Variants in MKKS observed in about 807,000 individuals in gnomAD.
The protein encoded by MKKS is MKKS centrosomal shuttling protein, also known as molecular chaperone MKKS.
In MKKS, 29 loss-of-function variants were observed where a neutral mutation model predicts 33.2. That is an observed-to-expected ratio of 0.87 (90% CI 0.65 to 1.19). The LOEUF is 1.19. MKKS is among the 50% of genes most tolerant of loss of function. The pLI is 0.00. For missense variants in MKKS, 661 were observed against 662.3 expected (o/e 1.00, Z 0.02); for synonymous variants, 260 against 244.0 (o/e 1.07, Z -0.61).
At position 10,407,687 on chromosome 20, in the gene MKKS, G is replaced by C; in HGVS notation, c.1201C>G (p.Leu401Val). The stretch of plus-strand genomic sequence containing the variant: ...CCCAACAAAGCCCATGGTTCCTTGA[G>C]TGTTAACTGCAGGACATGCAGTGCC... Reference protein sequence around the residue: ...QTALHVLQLTLKEPWALLGGG... With the variant: ...QTALHVLQLTVKEPWALLGGG... Residue 401 changes from leucine to valine, a missense_variant, in exon 5 of 6, where the codon CTC (leucine) becomes GTC (valine). Coordinates refer to ENST00000347364, the MANE Select transcript of MKKS (RefSeq NM_170784.3). 6 of 1,614,002 alleles carry C rather than the reference G, an allele frequency of 3.7e-6. No individual in the cohort carries two copies. The highest frequency in any genetic ancestry group is 5.1e-6 in the Non-Finnish European group (6 of 1,179,930).
intron 1 of MKKS, among the ~76,000 whole-genome samples, chr20:10,433,301 G>A (rs113703202): frequency 1.6e-4 from 25 of 152,334 alleles, no homozygotes; most frequent in African/African-American, 6.0e-4. Context: ...ACCAAACCCC[G>A]CCGCCCCAAA....
Position 10,412,903 on chromosome 20 carries a change from TA to T in MKKS, c.611del (p.Leu204Ter). On this transcript the variant is annotated frameshift_variant, in exon 3 of 6. Transcript: ENST00000347364. LOFTEE classifies it high-confidence loss of function. ...IILGKSLIVPLKGQRVIDSTV... is the reference protein window; with the variant it reads ...IILGKSLIVPXKGQRVIDSTV... ...TGGAATCTATAACTCTTTGACCTTT[TA>T]AAGGTACAATTAAACTCTTTCCTAA... is the stretch of plus-strand genomic sequence containing the variant. 2 of 1,613,778 alleles carry T rather than the reference TA, an allele frequency of 1.2e-6. No individual in the cohort carries two copies. The highest frequency in any genetic ancestry group is 1.7e-6 in the Non-Finnish European group (2 of 1,179,850).
intron 3 of MKKS, among the ~76,000 whole-genome samples, chr20:10,409,431 A>C (rs1038402743): frequency 3.3e-5 from 5 of 152,222 alleles, no homozygotes; most frequent in Admixed American, 3.3e-4. Flanking sequence ...CACATGTAAA[A>C]TAGTGAAGTT....
intron 1 of MKKS, among the ~76,000 whole-genome samples, chr20:10,432,627 T>C (rs955603977): frequency 9.2e-5 from 14 of 151,980 alleles, no homozygotes; most frequent in Non-Finnish European, 1.5e-4. Flanking sequence ...ACACCATCTC[T>C]ACTAAAAAAT....
Position 10,405,327 on chromosome 20 carries a change from T to G in MKKS, c.1633A>C (p.Lys545Gln), listed in dbSNP as rs1471619104. Residue 545 changes from lysine to glutamine, a missense_variant, in exon 6 of 6, where the codon AAG becomes CAG. Transcript: ENST00000347364. ...ACAGCCACCTGTAGGCCACTAAGCT[T>G]TGCAGTCAAACAGTCCAAGGTCAGG... ...SNLTLDCLTA[K>Q]LSGLQVAVET... The G allele has an allele frequency of 6.2e-7, 1 of 1,614,138 alleles. No individual in the cohort carries two copies. Among genetic ancestry groups the G allele is most frequent in the South Asian group, 1.1e-5 (1 of 91,080 alleles).
At chr20:10,422,249 G>A (rs949808571) in intron 1 of MKKS, among the ~76,000 whole-genome samples, 2 of 151,934 alleles carry the variant, frequency 1.3e-5, no homozygotes, top group Non-Finnish European at 2.9e-5. Context: ...CTAGATAGAG[G>A]AAACACGACC....
At position 10,413,455 on chromosome 20, in the gene MKKS, C is replaced by T; in HGVS notation, c.60G>A (p.Glu20=). 6.2e-7 allele frequency: 1 copy of T among 1,614,070 alleles called. No homozygotes were observed. Residue 20 remains glutamate, a synonymous_variant, in exon 3 of 6, where the codon GAG becomes GAA. Transcript: ENST00000347364. ...AGACAGAAAGTGTGGTCCTGACTCT[C>T]TCAGTTGTCAGTGGTTCACTCTTAC... ...SLCKSEPLTT[E]RVRTTLSVLK...
At chr20:10,417,535 C>T (rs538400280) in intron 2 of MKKS, among the ~76,000 whole-genome samples, 1 of 152,232 alleles carries the variant, frequency 6.6e-6, no homozygotes, top group Admixed American at 6.5e-5. Context: ...GGCCTGTGCC[C>T]AAGAGTTTGA....
chr20:10,409,816 C>T (rs2064868184), intron 3 of MKKS, among the ~76,000 whole-genome samples: 1 of 151,212 alleles, frequency 6.6e-6, no homozygotes, highest in Non-Finnish European at 1.5e-5. Flanking sequence ...ACTAAAAATA[C>T]AAAAACTAGC....
intron 1 of MKKS, among the ~76,000 whole-genome samples, chr20:10,433,591 G>A (rs2122296239): frequency 6.6e-6 from 1 of 152,344 alleles, no homozygotes; most frequent in African/African-American, 2.4e-5. Context: ...CATGACCTTA[G>A]AGGGTCATCC....
At position 10,402,617 on chromosome 20, in the gene MKKS, A is replaced by C. The variant is rs1390079623; in HGVS notation, c.*2630T>G. On this transcript the variant is annotated 3_prime_UTR_variant, in exon 6 of 6. Coordinates refer to ENST00000347364, the MANE Select transcript of MKKS (RefSeq NM_170784.3). ...GCTATCGTGAAAAGTAGAAGCCCCT[A>C]ATCTATAAGATCAATTGGAGAGGTT... 1.3e-5 allele frequency: 2 copies of C among 152,214 alleles called. No homozygotes were observed. Among genetic ancestry groups the C allele is most frequent in the Non-Finnish European group, 2.9e-5 (2 of 68,038 alleles). 9.4% of individuals were successfully genotyped at this position (152,214 alleles called of 1,614,324 possible).
intron 1 of MKKS, among the ~76,000 whole-genome samples, chr20:10,428,618 C>T (rs1180801077): frequency 6.6e-6 from 1 of 152,138 alleles, no homozygotes; most frequent in Non-Finnish European, 1.5e-5. Context: ...GAAGGTGGAT[C>T]ACTTGAGGTC....
At chr20:10,415,300 C>T (rs6077775) in intron 2 of MKKS, among the ~76,000 whole-genome samples, 1 of 152,084 alleles carries the variant, frequency 6.6e-6, no homozygotes, top group African/African-American at 2.4e-5. Context: ...TCTATTTAGC[C>T]TAAAGTACTT....
At position 10,407,679 on chromosome 20, in the gene MKKS, T is replaced by C; in HGVS notation, c.1209A>G (p.Glu403=). The C allele has an allele frequency of 6.2e-7, 1 of 1,613,984 alleles. No homozygotes were observed. Among genetic ancestry groups the C allele is most frequent in the Non-Finnish European group, 8.5e-7 (1 of 1,179,918 alleles). The change falls in exon 5 of 6, where the codon GAA becomes GAG. Residue 403 remains glutamate, a synonymous_variant. Transcript: ENST00000347364. ...ALHVLQLTLK[E]PWALLGGGCT... ...AGCCACCTCCCAACAAAGCCCATGG[T>C]TCCTTGAGTGTTAACTGCAGGACAT...
intron 3 of MKKS, 111 bp downstream of exon 3, chr20:10,412,419 A>G (rs911994708): frequency 1.9e-6 from 2 of 1,062,552 alleles, no homozygotes; most frequent in East Asian, 2.4e-5. Context: ...ATACTGACAC[A>G]TGCTGGGTCA....
rs17852625 is a variant in MKKS at position 10,412,981 on chromosome 20, G to A, written c.534C>T (p.Ile178=). Residue 178 remains isoleucine, a synonymous_variant, in exon 3 of 6, where the codon ATC becomes ATT. Transcript: ENST00000347364. The part of the protein sequence containing the change: ...RKETEHVSAL[I]LRAFLLTIPE... ...GAATTGTAAGCAAAAAGGCTCTCAG[G>A]ATCAAAGCACTGACATGCTCTGTTT... The A allele has an allele frequency of 0.13, 203,531 of 1,613,754 alleles. 14,343 individuals carry two copies. Among genetic ancestry groups the A allele is most frequent in the East Asian group, 0.24 (10,957 of 44,866 alleles).
rs1471154105 is a variant in MKKS, at chr20:10,413,305, T to G, written c.210A>C (p.Thr70=). 1.2e-6 allele frequency: 2 copies of G among 1,614,076 alleles called. No individual in the cohort carries two copies. Among genetic ancestry groups the G allele is most frequent in the Admixed American group, 1.7e-5 (1 of 60,004 alleles). The change falls in exon 3 of 6, where the codon ACA becomes ACC. Residue 70 remains threonine (T), a synonymous_variant. Transcript: ENST00000347364. ...CTGTCAGGATCTTTAAAATGGGATGTGTGACCAAAAGGTGACTGAGCAGAG... is the reference window on the plus strand; with the variant it reads ...CTGTCAGGATCTTTAAAATGGGATGGGTGACCAAAAGGTGACTGAGCAGAG... ...SSALLSHLLV[T]HPILKILTAS... is the part of the protein sequence containing the mutation.
At position 10,429,972 on chromosome 20, in the gene MKKS, G is replaced by T. The variant is rs998543305; in HGVS notation, c.-649+4136C>A. Among the ~76,000 whole-genome samples, 4 of 152,110 alleles carry T rather than the reference G, an allele frequency of 2.6e-5. No individual in the cohort carries two copies. The East Asian group carries it at 5.8e-4, about 22-fold the overall frequency. On this transcript the variant is annotated intron_variant, in intron 1 of 5. Coordinates refer to ENST00000347364, the MANE Select transcript of MKKS (RefSeq NM_170784.3). ...CTGAAGCTAAAGTTTGAGACCCACT[G>T]TTCTAGTCTACATCCACTAATCCAT...
chr20:10,410,325 A>C lies in MKKS; in HGVS notation c.986-1522T>G, dbSNP rs148234190. 2.1e-3 allele frequency among the ~76,000 whole-genome samples: 324 copies of C among 151,870 alleles called. 1 individual carries two copies. Among genetic ancestry groups the C allele is most frequent in the Middle Eastern group, 0.014 (4 of 294 alleles). ...GCATACTTCACAAATAAATCAAACC[A>C]AGTCAAATGTTAAAAATGCTCCAGG... On this transcript the variant is annotated intron_variant, in intron 3 of 5. Coordinates refer to ENST00000347364, the MANE Select transcript of MKKS (RefSeq NM_170784.3).
Sources: gnomAD v4.1 joint callset for allele counts (sites outside exome capture counted in the v4.1 genomes callset) on GRCh38, gnomAD v4.1.1 for gene constraint, MANE v1.5 for transcripts, NCBI Gene and HGNC (gene_info 2026-07-23, HGNC 2026-07-21) for gene names.